The following PCSK6 variants were observed in gnomAD, a reference collection of about 807,000 sequenced individuals.
The protein encoded by PCSK6 is paired basic amino acid cleaving enzyme 4.
PCSK6 carries 85 observed loss-of-function variants against 123.3 expected under a neutral mutation model. That is an observed-to-expected ratio of 0.69 (90% CI 0.58 to 0.83). PCSK6 has a LOEUF of 0.83. Ranked by LOEUF, PCSK6 falls within the 40% of genes least tolerant of loss-of-function variation. The pLI, the probability that PCSK6 is intolerant of heterozygous loss-of-function variation, is 0.00. For missense variants in PCSK6, 1,191 were observed against 1,282.3 expected, an observed-to-expected ratio of 0.93 and a Z score of 1.09; for synonymous variants, 508 against 516.0, an observed-to-expected ratio of 0.98 and a Z score of 0.21.
At chr15:101,457,425 G>A (rs188519718) in intron 1 of PCSK6, among the ~76,000 whole-genome samples, 36 of 152,310 alleles carry the variant, frequency 2.4e-4, no homozygotes, top group East Asian at 3.9e-4. Flanking sequence ...CTCGGCTCAC[G>A]GCCTGGCACA....
chr15:101,369,328 C>A (rs2141463215), intron 12 of PCSK6, among the ~76,000 whole-genome samples: 1 of 152,380 alleles, frequency 6.6e-6, no homozygotes, highest in South Asian at 2.1e-4. Flanking sequence ...CCCCCAACTT[C>A]TGCCTGGTTC....
At chr15:101,484,870 C>T (rs924311624) in intron 1 of PCSK6, among the ~76,000 whole-genome samples, 1 of 152,140 alleles carries the variant, frequency 6.6e-6, no homozygotes, top group Non-Finnish European at 1.5e-5. Context: ...GTTCTCTATT[C>T]TACTTCAGGG....
intron 1 of PCSK6, among the ~76,000 whole-genome samples, chr15:101,456,629 C>A (rs373729060): frequency 1.3e-5 from 2 of 152,190 alleles, no homozygotes; most frequent in Non-Finnish European, 2.9e-5. Flanking sequence ...GCCTACCGGG[C>A]TCTCAGAGGG....
At chr15:101,420,422 G>A (rs956801622) in intron 6 of PCSK6, among the ~76,000 whole-genome samples, 5 of 152,026 alleles carry the variant, frequency 3.3e-5, no homozygotes, top group South Asian at 2.1e-4. Flanking sequence ...GTATAATGAC[G>A]CAATCATGGC....
At chr15:101,307,131 G>T in intron 21 of PCSK6, 82 bp downstream of exon 21, 1 of 994,502 alleles carries the variant, frequency 1.0e-6, no homozygotes, top group Non-Finnish European at 1.6e-6. Flanking sequence ...TGCCTATGTG[G>T]CTTTGCTTTT....
chr15:101,316,775 G>A (rs74041994), intron 19 of PCSK6, among the ~76,000 whole-genome samples: 4 of 152,284 alleles, frequency 2.6e-5, no homozygotes, highest in South Asian at 2.1e-4. Context: ...CATCAGGCCT[G>A]TCTATTCCAG....
intron 1 of PCSK6, among the ~76,000 whole-genome samples, chr15:101,468,701 G>A (rs778040194): frequency 1.6e-4 from 25 of 152,276 alleles, no homozygotes; most frequent in Non-Finnish European, 3.1e-4. Context: ...GGCCATCCAC[G>A]TCCTTGATGC....
At chr15:101,450,705 T>G (rs2057011987) in intron 1 of PCSK6, among the ~76,000 whole-genome samples, 1 of 151,994 alleles carries the variant, frequency 6.6e-6, no homozygotes, top group African/African-American at 2.4e-5. Context: ...CATCCAGAGG[T>G]GGGGTGAGCA....
chr15:101,475,866 T>C (rs1053186366), intron 1 of PCSK6, among the ~76,000 whole-genome samples: 4 of 152,178 alleles, frequency 2.6e-5, no homozygotes, highest in Non-Finnish European at 5.9e-5. Flanking sequence ...TTGTCACCTA[T>C]AAGAACTGGC....
At position 101,313,525 on chromosome 15, in the gene PCSK6, A is replaced by C. The variant is rs773810681; in HGVS notation, c.2570-20T>G. 6.3e-5 allele frequency: 99 copies of C among 1,582,298 alleles called. No individual in the cohort carries two copies. Among genetic ancestry groups the C allele is most frequent in the East Asian group, 3.1e-4 (14 of 44,630 alleles). ...CTGGCCCTGAGAGACACAGGAAAAG[A>C]AGCAGGTATCAGGGATGGCTGGCAG... On this transcript the variant is annotated intron_variant, in intron 19 of 21. Transcript: ENST00000611716.
At chr15:101,334,796 C>T (rs867326848) in intron 13 of PCSK6, among the ~76,000 whole-genome samples, 2 of 152,176 alleles carry the variant, frequency 1.3e-5, no homozygotes, top group East Asian at 1.9e-4. Flanking sequence ...AGGGGCTGCT[C>T]CACACTCAGG....
At chr15:101,314,622 C>T (rs2039945742) in intron 19 of PCSK6, among the ~76,000 whole-genome samples, 1 of 152,192 alleles carries the variant, frequency 6.6e-6, no homozygotes, top group Non-Finnish European at 1.5e-5. Context: ...CTGGGGCTGG[C>T]TTCACACCTC....
chr15:101,364,644 T>C (rs1422277152), intron 13 of PCSK6, among the ~76,000 whole-genome samples: 1 of 152,166 alleles, frequency 6.6e-6, no homozygotes, highest in Non-Finnish European at 1.5e-5. Context: ...AAAACACTGC[T>C]AAACAAAATT....
chr15:101,386,375 CTT>C (rs1432798541), intron 9 of PCSK6, among the ~76,000 whole-genome samples: 4 of 152,150 alleles, frequency 2.6e-5, no homozygotes, highest in African/African-American at 9.7e-5. Flanking sequence ...AGAACACAAA[CTT>C]TCCCATTTCA....
At chr15:101,376,814 C>G (rs1235305540) in intron 11 of PCSK6, among the ~76,000 whole-genome samples, 9 of 152,216 alleles carry the variant, frequency 5.9e-5, no homozygotes, top group Admixed American at 5.2e-4. Flanking sequence ...TGGTTACCCC[C>G]AGGGCGGGAC....
intron 9 of PCSK6, 83 bp from the exon 10 acceptor site, chr15:101,384,508 G>C: frequency 9.0e-7 from 1 of 1,111,708 alleles, no homozygotes; most frequent in Non-Finnish European, 1.3e-6. Flanking sequence ...GGGGTCGGCA[G>C]CCAACCCACG....
intron 20 of PCSK6, 73 bp downstream of exon 20, chr15:101,313,296 AAGATGCT>A (rs1323476316): frequency 6.2e-7 from 1 of 1,609,274 alleles, no homozygotes; most frequent in African/African-American, 1.3e-5. Context: ...GCCCCTGGGG[AAGATGCT>A]GCCAGACTCT....
intron 1 of PCSK6, among the ~76,000 whole-genome samples, chr15:101,464,343 T>C (rs948142213): frequency 3.3e-5 from 5 of 152,160 alleles, no homozygotes; most frequent in African/African-American, 7.2e-5. Context: ...AAGTAGGTCA[T>C]ATGTACCCAC....
At chr15:101,384,253 G>C in intron 10 of PCSK6, 69 bp downstream of exon 10, 1 of 1,573,394 alleles carries the variant, frequency 6.4e-7, no homozygotes, top group Non-Finnish European at 8.7e-7. Flanking sequence ...TCCTTTTAAG[G>C]AATTCATGAC....
Sources: gnomAD v4.1 joint callset for allele counts (sites outside exome capture counted in the v4.1 genomes callset) on GRCh38, gnomAD v4.1.1 for gene constraint, MANE v1.5 for transcripts, NCBI Gene and HGNC (gene_info 2026-07-23, HGNC 2026-07-21) for gene names.